N4BP1: variants seen among roughly 807,000 people sequenced by gnomAD.
N4BP1 encodes NEDD4-binding protein 1.
A neutral mutation model predicts 70.9 loss-of-function variants in N4BP1; 21 were observed. The ratio of observed to expected loss-of-function variants is 0.30; its 90% CI spans 0.21 to 0.43. The LOEUF is 0.43. N4BP1 is among the 20% of genes least tolerant of loss of function. The pLI is 1.00. For synonymous variants in N4BP1, 387 were observed against 394.6 expected (o/e 0.98, Z 0.23); for missense variants, 936 against 1,069.4 (o/e 0.88, Z 1.74).
chr16:48,543,030 G>A lies in N4BP1; in HGVS notation c.2565C>T (p.Asn855=), dbSNP rs554601614. Reference sequence around the variant, plus strand: ...TCTTCAGAAGGGCTTCCCTCAGCTCGTTGGTTTCTGCAGAAGATCTCTGAG... The same window carrying A: ...TCTTCAGAAGGGCTTCCCTCAGCTCATTGGTTTCTGCAGAAGATCTCTGAG... ...MPAQRSSAET[N]ELREALLKIF... is the part of the protein sequence containing the mutation. The change falls in exon 7 of 7, where the codon AAC becomes AAT. Residue 855 remains asparagine, a synonymous_variant. Coordinates refer to ENST00000262384, the MANE Select transcript of N4BP1 (RefSeq NM_153029.4). 1.1e-5 allele frequency: 18 copies of A among 1,614,072 alleles called. No homozygotes were observed. The highest frequency in any genetic ancestry group is 4.0e-5 in the African/African-American group (3 of 75,074).
intron 1 of N4BP1, among the ~76,000 whole-genome samples, chr16:48,584,243 T>C (rs1399571081): frequency 6.6e-6 from 1 of 152,220 alleles, no homozygotes; most frequent in Non-Finnish European, 1.5e-5. Context: ...CAAGAAAATC[T>C]GGTTTTAGTC....
chr16:48,570,685 C>T (rs1465387517), intron 1 of N4BP1, among the ~76,000 whole-genome samples: 1 of 152,076 alleles, frequency 6.6e-6, no homozygotes, highest in Non-Finnish European at 1.5e-5. Flanking sequence ...CTAAATCTGC[C>T]TGCTATTATT....
chr16:48,543,772 T>A (rs9937134), intron 6 of N4BP1, among the ~76,000 whole-genome samples: 54,730 of 151,910 alleles, frequency 0.36, 10,096 homozygotes, highest in African/African-American at 0.42. Flanking sequence ...AGGGAGGGCA[T>A]CTGTATCGCT....
chr16:48,558,911 C>T (rs896493064), intron 2 of N4BP1, among the ~76,000 whole-genome samples: 1 of 152,204 alleles, frequency 6.6e-6, no homozygotes, highest in East Asian at 1.9e-4. Flanking sequence ...TGCTGCCTGT[C>T]TTCAAACTTT....
At chr16:48,591,310 A>G (rs951760102) in intron 1 of N4BP1, among the ~76,000 whole-genome samples, 7 of 151,506 alleles carry the variant, frequency 4.6e-5, no homozygotes, top group African/African-American at 1.7e-4. Flanking sequence ...CCCCACCCCA[A>G]TGGCTAGCTT....
intron 1 of N4BP1, among the ~76,000 whole-genome samples, chr16:48,569,094 G>T (rs1963981192): frequency 6.6e-6 from 1 of 152,158 alleles, no homozygotes; most frequent in Non-Finnish European, 1.5e-5. Flanking sequence ...TCAGTTGCCG[G>T]TTGAATATTT....
At position 48,541,187 on chromosome 16, in the gene N4BP1, A is replaced by G. The variant is rs1185385003; in HGVS notation, c.*1717T>C. The G allele has an allele frequency of 6.6e-6, 1 of 152,294 alleles. No homozygotes were observed. The highest frequency in any genetic ancestry group is 1.5e-5 in the Non-Finnish European group (1 of 68,088). The allele number at this position is 152,294 out of a possible 1,614,324, so 9.4% of individuals were successfully genotyped here. On this transcript the variant is annotated 3_prime_UTR_variant, in exon 7 of 7. Transcript: ENST00000262384. Reference sequence around the variant, plus strand: ...AATAGTGGGTCAGCCAGGCTGCTGGACTGAACCATGAGCCAGAAGGCCAGA... The same window carrying G: ...AATAGTGGGTCAGCCAGGCTGCTGGGCTGAACCATGAGCCAGAAGGCCAGA...
intron 1 of N4BP1, among the ~76,000 whole-genome samples, chr16:48,593,462 A>G (rs1964365319): frequency 1.3e-5 from 2 of 152,252 alleles, no homozygotes; most frequent in Admixed American, 1.3e-4. Flanking sequence ...GAGGAAGGAA[A>G]AAATCTAAAG....
At chr16:48,579,840 G>GT (rs970120933) in intron 1 of N4BP1, among the ~76,000 whole-genome samples, 7 of 151,996 alleles carry the variant, frequency 4.6e-5, no homozygotes, top group African/African-American at 1.4e-4. Flanking sequence ...AAAATAAACT[G>GT]TAAGTCAAAA....
intron 1 of N4BP1, among the ~76,000 whole-genome samples, chr16:48,608,021 CG>C (rs1964610530): frequency 2.0e-5 from 3 of 152,126 alleles, no homozygotes; most frequent in African/African-American, 7.2e-5. Context: ...ACCACCACGC[CG>C]GGCTAATTTT....
intron 1 of N4BP1, among the ~76,000 whole-genome samples, chr16:48,579,024 C>G (rs934029796): frequency 6.2e-5 from 6 of 97,112 alleles, no homozygotes; most frequent in Non-Finnish European, 1.2e-4. Context: ...AGACATTTGA[C>G]AATGCCAAGA....
At chr16:48,552,473 G>A (rs1293142009) in intron 3 of N4BP1, among the ~76,000 whole-genome samples, 2 of 151,678 alleles carry the variant, frequency 1.3e-5, no homozygotes, top group East Asian at 1.9e-4. Context: ...GGTGAGGTGG[G>A]TGGATAACAA....
At position 48,553,629 on chromosome 16, in the gene N4BP1, T is replaced by C. The variant is rs1432338879; in HGVS notation, c.1930A>G (p.Ile644Val). 1 of 1,602,720 alleles carries C rather than the reference T, an allele frequency of 6.2e-7. No individual in the cohort carries two copies. Among genetic ancestry groups the C allele is most frequent in the Non-Finnish European group, 8.5e-7 (1 of 1,175,176 alleles). ...KKFFSCRGIAIAVEYFWKLGN... is the reference protein window; with the variant it reads ...KKFFSCRGIAVAVEYFWKLGN... ...AGCTTCCAAAAATATTCAACTGCAA[T>C]TGCAATTCCACGACAAGAAAAGAAC... is the stretch of plus-strand genomic sequence containing the variant. Residue 644 changes from isoleucine (I) to valine (V), a missense_variant, in exon 3 of 7, where the codon ATT (isoleucine) becomes GTT (valine). Around this residue, in one of 4 missense-constraint regions of N4BP1, gnomAD observed 229 missense variants for 343.5 expected, o/e 0.67. Coordinates refer to ENST00000262384, the MANE Select transcript of N4BP1 (RefSeq NM_153029.4).
intron 1 of N4BP1, among the ~76,000 whole-genome samples, chr16:48,584,711 G>A (rs1289384562): frequency 1.3e-5 from 2 of 151,998 alleles, no homozygotes; most frequent in African/African-American, 2.4e-5. Context: ...GGAGTTCTGA[G>A]TCCAGCTAAT....
Position 48,538,882 on chromosome 16 carries a change from G to C in N4BP1, c.*4022C>G, listed in dbSNP as rs1963444446. On this transcript the variant is annotated 3_prime_UTR_variant, in exon 7 of 7. Coordinates refer to ENST00000262384, the MANE Select transcript of N4BP1 (RefSeq NM_153029.4). The stretch of plus-strand genomic sequence containing the variant: ...TACACAATCAGTGGCAGCAGCACCA[G>C]CCAGAGTGGCAAGTGCTCAAAGCGA... 6.6e-6 allele frequency: 1 copy of C among 152,376 alleles called. No homozygotes were observed. The allele number at this position is 152,376 out of a possible 1,614,324, so 9.4% of individuals were successfully genotyped here. A position where few individuals can be genotyped will look rare whatever the true frequency, so the allele number is the denominator to read the frequency against.
chr16:48,563,279 C>T (rs1038343524), intron 1 of N4BP1, among the ~76,000 whole-genome samples: 15 of 151,988 alleles, frequency 9.9e-5, no homozygotes, highest in African/African-American at 3.6e-4. Context: ...CGCTTCAGCC[C>T]AGGAGACTGA....
At chr16:48,575,316 C>T (rs1597102553) in intron 1 of N4BP1, among the ~76,000 whole-genome samples, 1 of 152,200 alleles carries the variant, frequency 6.6e-6, no homozygotes, top group South Asian at 2.1e-4. Flanking sequence ...AAAAATATCT[C>T]CCCCATCCTA....
At chr16:48,554,133 G>A (rs1313362425) in intron 2 of N4BP1, among the ~76,000 whole-genome samples, 1 of 150,040 alleles carries the variant, frequency 6.7e-6, no homozygotes, top group African/African-American at 2.5e-5. Context: ...GGGGGGCCGT[G>A]AAAGGCTATT....
chr16:48,547,526 C>A (rs188375639), intron 5 of N4BP1, among the ~76,000 whole-genome samples: 2 of 152,272 alleles, frequency 1.3e-5, no homozygotes, highest in Admixed American at 1.3e-4. Context: ...ACTGTAAAAA[C>A]CTCCAGAAAA....
Sources: allele counts gnomAD v4.1 joint callset (sites outside exome capture counted in the v4.1 genomes callset), GRCh38; gene constraint gnomAD v4.1.1; regional missense constraint gnomAD v4.1.1; transcripts MANE v1.5; gene names NCBI Gene and HGNC (gene_info 2026-07-23, HGNC 2026-07-21).